NFIL3: variants seen among roughly 807,000 people sequenced by gnomAD.
NFIL3 encodes the protein nuclear factor interleukin-3-regulated protein.
A neutral mutation model predicts 10.0 loss-of-function variants in NFIL3; 5 were observed. The observed-to-expected ratio is 0.50, with a 90% CI of 0.26 to 1.06. NFIL3 has a LOEUF of 1.06. Among genes scored for constraint, NFIL3 ranks in the 50% least tolerant of loss-of-function variants. The probability of loss-of-function intolerance (pLI) is 0.13; values close to 1 mark genes in which losing one functional copy is unlikely to be tolerated. For missense variants in NFIL3, 436 were observed against 547.6 expected, an observed-to-expected ratio of 0.80 and a Z score of 2.03; for synonymous variants, 202 against 206.5, an observed-to-expected ratio of 0.98 and a Z score of 0.19.
At chr9:91,464,150 T>C in the NFIL3 span, among the ~76,000 whole-genome samples, 1 of 152,126 alleles carries the variant, frequency 6.6e-6, no homozygotes, top group South Asian at 2.1e-4. Flanking sequence ...AAAGTCATTA[T>C]TGGTATAGTT....
chr9:91,436,622 A>C, the NFIL3 span, among the ~76,000 whole-genome samples: 6,924 of 131,734 alleles, frequency 0.053, 294 homozygotes, highest in African/African-American at 0.14. Context: ...ACAACAACAA[A>C]GAGTTGAAGG....
At chr9:91,456,145 T>C in the NFIL3 span, among the ~76,000 whole-genome samples, 1 of 152,246 alleles carries the variant, frequency 6.6e-6, no homozygotes, top group Non-Finnish European at 1.5e-5. Context: ...TTCCACTGTA[T>C]GGATATACAT....
chr9:91,412,462 G>C (rs1377064204), intron 1 of NFIL3, among the ~76,000 whole-genome samples: 1 of 152,098 alleles, frequency 6.6e-6, no homozygotes, highest in Non-Finnish European at 1.5e-5. Flanking sequence ...TAATGTTCCA[G>C]TCAGTAATAT....
chr9:91,452,526 G>C, the NFIL3 span, among the ~76,000 whole-genome samples: 1 of 152,126 alleles, frequency 6.6e-6, no homozygotes. Flanking sequence ...TGTAATCCCT[G>C]CACTTTGGGA....
chr9:91,430,037 G>A, the NFIL3 span, among the ~76,000 whole-genome samples: 24 of 152,210 alleles, frequency 1.6e-4, no homozygotes, highest in Admixed American at 4.6e-4. Flanking sequence ...TAACTGATTA[G>A]GAAAGTGCCT....
At chr9:91,439,197 T>C in the NFIL3 span, among the ~76,000 whole-genome samples, 1 of 152,178 alleles carries the variant, frequency 6.6e-6, no homozygotes, top group South Asian at 2.1e-4. Context: ...CATCAATGTT[T>C]TACAGTTTTT....
chr9:91,469,859 C>G, the NFIL3 span, among the ~76,000 whole-genome samples: 1 of 152,162 alleles, frequency 6.6e-6, no homozygotes, highest in Non-Finnish European at 1.5e-5. Flanking sequence ...GTTGAACCAG[C>G]CTTGCATCCC....
the NFIL3 span, among the ~76,000 whole-genome samples, chr9:91,447,691 A>G: frequency 6.6e-6 from 1 of 152,086 alleles, no homozygotes; most frequent in South Asian, 2.1e-4. Flanking sequence ...TTGTCTTTCT[A>G]TTGTTGAGTT....
At chr9:91,459,948 C>T in the NFIL3 span, among the ~76,000 whole-genome samples, 12 of 152,100 alleles carry the variant, frequency 7.9e-5, no homozygotes, top group African/African-American at 2.9e-4. Flanking sequence ...TTTATATACC[C>T]TCTTCATCCA....
Position 91,410,686 on chromosome 9 carries a change from C to G in NFIL3, c.49G>C (p.Asp17His), listed in dbSNP as rs1833531636. The G allele has an allele frequency of 1.9e-6, 3 of 1,609,144 alleles. No individual in the cohort carries two copies. Among genetic ancestry groups the G allele is most frequent in the African/African-American group, 1.3e-5 (1 of 74,672 alleles). Residue 17 changes from aspartate (D) to histidine (H), a missense_variant, in exon 2 of 2, where the codon GAT (aspartate) becomes CAT (histidine). Physicochemically the swap from Asp to His is moderately conservative, Grantham distance 81 (BLOSUM62 -1). Coordinates refer to ENST00000297689, the MANE Select transcript of NFIL3 (RefSeq NM_005384.3). The surrounding 1 kb of genome is among the most constrained non-coding windows in gnomAD (Gnocchi z 5.7). ...QTVKKEQASL[D>H]ASSNVDKMMV... ...ATCTTGTCCACATTGCTACTGGCATCAAGAGACGCCTGCTCCTTTTTGACG... is the reference window on the plus strand; with the variant it reads ...ATCTTGTCCACATTGCTACTGGCATGAAGAGACGCCTGCTCCTTTTTGACG...
At chr9:91,427,579 G>A (rs905037435), upstream of NFIL3, among the ~76,000 whole-genome samples, 1 of 152,074 alleles carries the variant, frequency 6.6e-6, no homozygotes, top group Non-Finnish European at 1.5e-5. Flanking sequence ...TAAACTCCAG[G>A]AACAGAAGTT....
chr9:91,414,810 G>A (rs979433048), intron 1 of NFIL3, among the ~76,000 whole-genome samples: 5 of 152,170 alleles, frequency 3.3e-5, no homozygotes, highest in Admixed American at 6.5e-5. Context: ...GTGTTTCCAC[G>A]TGTTTGTCTT....
the NFIL3 span, among the ~76,000 whole-genome samples, chr9:91,477,976 C>T: frequency 6.6e-6 from 1 of 152,102 alleles, no homozygotes; most frequent in South Asian, 2.1e-4. Context: ...GAATATTGGC[C>T]CCCACTCTCT....
At chr9:91,462,559 G>A in the NFIL3 span, among the ~76,000 whole-genome samples, 1 of 152,070 alleles carries the variant, frequency 6.6e-6, no homozygotes, top group African/African-American at 2.4e-5. Context: ...TGATTGTAAT[G>A]CATAATCCTT....
intron 1 of NFIL3, among the ~76,000 whole-genome samples, chr9:91,421,913 G>A (rs951161174): frequency 1.4e-4 from 22 of 152,158 alleles, no homozygotes; most frequent in African/African-American, 5.3e-4. Context: ...AGTCCAGGAA[G>A]AAATTTAATA....
chr9:91,423,247 GAGAA>G (rs944888872), intron 1 of NFIL3, among the ~76,000 whole-genome samples: 3 of 151,998 alleles, frequency 2.0e-5, no homozygotes, highest in Non-Finnish European at 2.9e-5. Context: ...GAGAAGGAAC[GAGAA>G]AGAAAGACAC....
upstream of NFIL3, among the ~76,000 whole-genome samples, chr9:91,425,469 T>C (rs1405095863): frequency 6.6e-6 from 1 of 152,224 alleles, no homozygotes; most frequent in Non-Finnish European, 1.5e-5. Context: ...AGTACAGCTC[T>C]GCTGACAAGG....
the NFIL3 span, among the ~76,000 whole-genome samples, chr9:91,466,835 C>A: frequency 6.6e-6 from 1 of 152,102 alleles, no homozygotes; most frequent in African/African-American, 2.4e-5. Flanking sequence ...TCAACTTGGG[C>A]AGGCCATGAT....
chr9:91,412,619 G>A (rs1347788977), intron 1 of NFIL3, among the ~76,000 whole-genome samples: 4 of 152,038 alleles, frequency 2.6e-5, no homozygotes, highest in South Asian at 2.1e-4. Context: ...CGAGGTGGGC[G>A]GATCACCTGA....
Sources: gnomAD v4.1 joint callset for allele counts (sites outside exome capture counted in the v4.1 genomes callset) on GRCh38, gnomAD v4.1.1 for gene constraint, Gnocchi (gnomAD v3.1) non-coding constraint, MANE v1.5 for transcripts, NCBI Gene and HGNC (gene_info 2026-07-23, HGNC 2026-07-21) for gene names.